ARSG: variants seen among roughly 807,000 people sequenced by gnomAD.
ARSG encodes ASG.
In ARSG, 37 loss-of-function variants were observed where a neutral mutation model predicts 50.5. The observed-to-expected ratio is 0.73, with a 90% CI of 0.56 to 0.96. The LOEUF is 0.96. ARSG is among the 50% of genes least tolerant of loss of function. The pLI, the probability that ARSG is intolerant of heterozygous loss-of-function variation, is 0.00. For missense variants in ARSG, 629 were observed against 675.3 expected, an observed-to-expected ratio of 0.93 and a Z score of 0.76; for synonymous variants, 225 against 254.6, an observed-to-expected ratio of 0.88 and a Z score of 1.11.
chr17:68,414,309 G>A (rs528202154), intron 11 of ARSG: 2 of 152,116 alleles, frequency 1.3e-5, no homozygotes, highest in African/African-American at 2.4e-5. Context: ...TTTATGTGGT[G>A]TATCACATTT....
At chr17:68,407,455 G>T (rs1347119101) in intron 11 of ARSG, among the ~76,000 whole-genome samples, 1 of 152,106 alleles carries the variant, frequency 6.6e-6, no homozygotes, top group Non-Finnish European at 1.5e-5. Context: ...TAGCAGTATG[G>T]TCATTTTCAC....
intron 6 of ARSG, 48 bp downstream of exon 6, chr17:68,356,852 C>G (rs1189152015): frequency 3.7e-6 from 6 of 1,611,434 alleles, no homozygotes; most frequent in Non-Finnish European, 4.2e-6. Flanking sequence ...CCTCCACCTA[C>G]CCGTGCACAC....
rs201186541 is a variant in ARSG at position 68,265,754 on chromosome 17, T to G, written c.-552+6328T>G. The stretch of plus-strand genomic sequence containing the variant: ...GCCTGAGAGCTAATAGTGTGTGTTG[T>G]TTTTTTTTTTTTAACATTTTTATGT... On this transcript the variant is annotated intron_variant, in intron 1 of 11. Transcript: ENST00000448504. 2.4e-3 allele frequency among the ~76,000 whole-genome samples: 136 copies of G among 56,886 alleles called. 1 individual carries two copies. The highest frequency in any genetic ancestry group is 9.1e-3 in the African/African-American group (94 of 10,278). 37.3% of individuals were successfully genotyped at this position (56,886 alleles called of 152,430 possible).
At chr17:68,349,957 T>C (rs2078684358) in intron 4 of ARSG, among the ~76,000 whole-genome samples, 1 of 152,192 alleles carries the variant, frequency 6.6e-6, no homozygotes, top group Non-Finnish European at 1.5e-5. Context: ...AAAGATCTAA[T>C]GTCTAACTCG....
At chr17:68,389,271 GC>G (rs2080881408) in intron 9 of ARSG, among the ~76,000 whole-genome samples, 1 of 152,174 alleles carries the variant, frequency 6.6e-6, no homozygotes, top group African/African-American at 2.4e-5. Context: ...TCTGTAAGAA[GC>G]GCTTGGTTTG....
Position 68,343,811 on chromosome 17 carries a change from G to C in ARSG, c.406+20G>C. The C allele has an allele frequency of 2.5e-6, 4 of 1,590,498 alleles. No individual in the cohort carries two copies. Among genetic ancestry groups the C allele is most frequent in the Non-Finnish European group, 3.4e-6 (4 of 1,164,854 alleles). On this transcript the variant is annotated intron_variant, in intron 3 of 11. Coordinates refer to ENST00000621439, the MANE Select transcript of ARSG (RefSeq NM_001267727.2). ...TAATAGGTAACTCTGGGCCCCGTCT[G>C]CCTGTTGCATTTACTGCAGTGGCAG...
At chr17:68,428,764 G>A in the ARSG span, 2 of 1,282,778 alleles carry the variant, frequency 1.6e-6, no homozygotes, top group African/African-American at 2.9e-5. Context: ...TGTCGTTCTT[G>A]GCGAAGGGAC....
At chr17:68,262,405 A>AG (rs1308537041) in intron 1 of ARSG, among the ~76,000 whole-genome samples, 1 of 152,142 alleles carries the variant, frequency 6.6e-6, no homozygotes, top group African/African-American at 2.4e-5. Context: ...TGGGAGGCGG[A>AG]GGTTGCAGTG....
intron 5 of ARSG, among the ~76,000 whole-genome samples, chr17:68,354,693 G>C (rs949437439): frequency 7.9e-5 from 12 of 152,094 alleles, no homozygotes; most frequent in African/African-American, 2.9e-4. Context: ...AGACCAGCCT[G>C]GGCAACATGG....
chr17:68,375,680 G>C (rs1359546278), intron 8 of ARSG, among the ~76,000 whole-genome samples: 1 of 152,198 alleles, frequency 6.6e-6, no homozygotes, highest in South Asian at 2.1e-4. Flanking sequence ...GGGGTGATTT[G>C]TGTTTTGAAG....
rs572664161 is a variant in ARSG, at chr17:68,416,620, C to T, written c.1304-3569C>T. Among the ~76,000 whole-genome samples the T allele has an allele frequency of 3.3e-5, 5 of 152,256 alleles. No individual in the cohort carries two copies. In the South Asian group the frequency reaches 8.3e-4, roughly 25 times the overall value. ...AACACCAATTATTCTTAGATTTGGT[C>T]GTTTAACATAATCCCAGCCTTCTTG... On this transcript the variant is annotated intron_variant, in intron 11 of 11. Coordinates refer to ENST00000621439, the MANE Select transcript of ARSG (RefSeq NM_001267727.2).
chr17:68,348,356 A>T (rs1330973040), intron 4 of ARSG, among the ~76,000 whole-genome samples: 4 of 152,132 alleles, frequency 2.6e-5, no homozygotes. Context: ...GGATACTGAG[A>T]CCAGCTCCTA....
chr17:68,395,231 T>G, intron 10 of ARSG, 38 bp downstream of exon 10: 1 of 1,609,500 alleles, frequency 6.2e-7, no homozygotes, highest in East Asian at 2.2e-5. Flanking sequence ...GTAGGCTCTT[T>G]AGGAGGCTGG....
At chr17:68,428,756 T>A in the ARSG span, 1 of 1,192,960 alleles carries the variant, frequency 8.4e-7, no homozygotes. Context: ...CTGAAGCTTG[T>A]CGTTCTTGGC....
chr17:68,385,308 C>G, intron 9 of ARSG, 136 bp downstream of exon 9: 1 of 677,920 alleles, frequency 1.5e-6, no homozygotes, highest in South Asian at 1.8e-5. Context: ...TCATTCACCA[C>G]TTGCCTTTGC....
rs1443116813 is a variant in ARSG, at chr17:68,378,022, CAACT to C, written c.983-7036_983-7033del. ...CTCAGTCTCCAAAGCGGCTTCCTGT[CAACT>C]AACTATTCCACAGCCTCCTTCTTCC... On this transcript the variant is annotated intron_variant, in intron 8 of 11. Transcript: ENST00000621439. This position sits in a 1 kb window ranked among gnomAD's most constrained non-coding sequence, Gnocchi z 4.4. Among the ~76,000 whole-genome samples the C allele has an allele frequency of 5.9e-5, 9 of 152,212 alleles. No homozygotes were observed. The highest frequency in any genetic ancestry group is 5.9e-5 in the Non-Finnish European group (4 of 68,038).
chr17:68,372,955 G>A (rs1207615606), intron 8 of ARSG, among the ~76,000 whole-genome samples: 2 of 134,122 alleles, frequency 1.5e-5, no homozygotes, highest in Non-Finnish European at 3.1e-5. Context: ...GCAGTGGCAC[G>A]ATCTTGGCTC....
chr17:68,270,132 A>G (rs1324536057), intron 1 of ARSG, among the ~76,000 whole-genome samples: 5 of 152,138 alleles, frequency 3.3e-5, no homozygotes, highest in Non-Finnish European at 5.9e-5. Flanking sequence ...TCCATTCCCA[A>G]ATACCTTTCC....
At chr17:68,360,999 A>G (rs2079257921) in intron 6 of ARSG, among the ~76,000 whole-genome samples, 1 of 151,884 alleles carries the variant, frequency 6.6e-6, no homozygotes, top group Non-Finnish European at 1.5e-5. Context: ...TAATTTTTGT[A>G]TTTTTAGTAG....
Sources: gnomAD v4.1 joint callset for allele counts (sites outside exome capture counted in the v4.1 genomes callset) on GRCh38, gnomAD v4.1.1 for gene constraint, Gnocchi (gnomAD v3.1) non-coding constraint, MANE v1.5 for transcripts, NCBI Gene and HGNC (gene_info 2026-07-23, HGNC 2026-07-21) for gene names.